Variants in PTPRD observed in about 807,000 individuals in gnomAD.
The protein encoded by PTPRD is receptor-type tyrosine-protein phosphatase delta.
Under a neutral mutation model 214.5 loss-of-function variants are expected in PTPRD, and 34 were observed. That is an observed-to-expected ratio of 0.16 (90% confidence interval 0.12 to 0.21). The LOEUF (loss-of-function observed/expected upper bound fraction) is 0.21, where lower values mean the gene tolerates loss of function less well. Ranked by LOEUF, PTPRD falls within the 10% of genes least tolerant of loss-of-function variation. The pLI is 1.00. For missense variants in PTPRD, 2,545 were observed against 2,398.7 expected (o/e 1.06, Z -1.27); for synonymous variants, 1,128 against 845.7 (o/e 1.33, Z -5.79).
chr9:8,732,882 G>C (rs538694510), intron 12 of PTPRD, among the ~76,000 whole-genome samples: 1 of 152,292 alleles, frequency 6.6e-6, no homozygotes, highest in East Asian at 1.9e-4. Flanking sequence ...AAATAGTGGA[G>C]AGAAATGTTA....
intron 30 of PTPRD, among the ~76,000 whole-genome samples, chr9:8,481,139 CAAAAAAAAAAAAAAAAA>C (rs34451513): frequency 2.5e-5 from 1 of 39,436 alleles, no homozygotes; most frequent in South Asian, 1.1e-3. Flanking sequence ...GACTCCGTCT[CAAAAAAAAAAAAAAAAA>C]AAAAAAAAAA....
At chr9:9,397,367 G>A (rs974053128) in intron 9 of PTPRD, 82 bp downstream of exon 9, 3 of 152,218 alleles carry the variant, frequency 2.0e-5, no homozygotes, top group African/African-American at 7.2e-5. Flanking sequence ...TTAACCAAAG[G>A]TTTTATAGGT....
intron 10 of PTPRD, among the ~76,000 whole-genome samples, chr9:9,060,713 T>C (rs1359470217): frequency 6.6e-6 from 1 of 152,060 alleles, no homozygotes; most frequent in African/African-American, 2.4e-5. Context: ...TCAGAGAGAC[T>C]GTTTCTCTGA....
Position 9,576,728 on chromosome 9 carries a change from A to C in PTPRD, c.-286-1947T>G, listed in dbSNP as rs1475763762. ...CTTGGATACACAAATTAGAAGTTTTAATTGTTATTACTATTTTATTACTAA... is the reference window on the plus strand; with the variant it reads ...CTTGGATACACAAATTAGAAGTTTTCATTGTTATTACTATTTTATTACTAA... On this transcript the variant is annotated intron_variant, in intron 7 of 45. Coordinates refer to ENST00000381196, the MANE Select transcript of PTPRD (RefSeq NM_002839.4). Among the ~76,000 whole-genome samples the C allele has an allele frequency of 2.0e-5, 3 of 152,204 alleles. No individual in the cohort carries two copies. In the East Asian group the frequency reaches 5.8e-4, roughly 29 times the overall value.
At chr9:9,177,403 T>G (rs2099925565) in intron 10 of PTPRD, among the ~76,000 whole-genome samples, 2 of 152,122 alleles carry the variant, frequency 1.3e-5, no homozygotes, top group South Asian at 4.1e-4. Context: ...ATCACGACCC[T>G]AATTGTTTTT....
intron 5 of PTPRD, among the ~76,000 whole-genome samples, chr9:9,828,696 G>C (rs2053816747): frequency 6.6e-6 from 1 of 151,090 alleles, no homozygotes; most frequent in Non-Finnish European, 1.5e-5. Flanking sequence ...AAAATCTAAA[G>C]GTAAGAACCT....
At chr9:8,331,525 C>A (rs1171794535) in intron 44 of PTPRD, 57 bp downstream of exon 44, 2 of 1,579,552 alleles carry the variant, frequency 1.3e-6, no homozygotes, top group Middle Eastern at 1.7e-4. Flanking sequence ...AAAGTGTATA[C>A]AGACAATGAA....
intron 2 of PTPRD, among the ~76,000 whole-genome samples, chr9:10,510,750 G>C (rs535114091): frequency 6.6e-6 from 1 of 152,006 alleles, no homozygotes. Flanking sequence ...TTAAAATTTA[G>C]AGTAAATTAT....
At chr9:10,198,285 GTA>G (rs2099405842) in intron 3 of PTPRD, among the ~76,000 whole-genome samples, 1 of 152,130 alleles carries the variant, frequency 6.6e-6, no homozygotes, top group Non-Finnish European at 1.5e-5. Flanking sequence ...AATAGGTACA[GTA>G]TGATAATTTC....
At chr9:9,031,688 A>T (rs2099605977) in intron 10 of PTPRD, among the ~76,000 whole-genome samples, 1 of 152,100 alleles carries the variant, frequency 6.6e-6, no homozygotes, top group East Asian at 1.9e-4. Context: ...TTCTTGAAGG[A>T]GACTGTAGTG....
At chr9:10,567,705 G>A (rs1181472305) in intron 2 of PTPRD, among the ~76,000 whole-genome samples, 7 of 151,426 alleles carry the variant, frequency 4.6e-5, no homozygotes, top group African/African-American at 1.7e-4. Flanking sequence ...AAAACCTTTG[G>A]TTTTTCTACT....
intron 3 of PTPRD, among the ~76,000 whole-genome samples, chr9:10,053,921 G>A (rs2097578007): frequency 6.6e-6 from 1 of 151,952 alleles, no homozygotes; most frequent in South Asian, 2.1e-4. Flanking sequence ...AACACACCCG[G>A]CTAATTTTTG....
At chr9:9,928,640 A>C (rs1056188891) in intron 5 of PTPRD, among the ~76,000 whole-genome samples, 3 of 152,100 alleles carry the variant, frequency 2.0e-5, no homozygotes, top group Non-Finnish European at 4.4e-5. Flanking sequence ...ATATTAACTA[A>C]TCTGAATATT....
chr9:8,929,767 G>GTGTATATATATA (rs2098933823), intron 11 of PTPRD, among the ~76,000 whole-genome samples: 1 of 99,540 alleles, frequency 1.0e-5, no homozygotes, highest in African/African-American at 3.9e-5. Flanking sequence ...GTATATATAT[G>GTGTATATATATA]TGTATATATA....
Position 10,481,673 on chromosome 9 carries a change from C to T in PTPRD, c.-600+130725G>A, listed in dbSNP as rs549737732. Reference sequence around the variant, plus strand: ...CATGAACTTATTGTAAATACTCAGCCCATAATCATTAAATGTTAAAAATCC... The same window carrying T: ...CATGAACTTATTGTAAATACTCAGCTCATAATCATTAAATGTTAAAAATCC... On this transcript the variant is annotated intron_variant, in intron 2 of 45. Transcript: ENST00000381196. Among the ~76,000 whole-genome samples, 24 of 152,038 alleles carry T rather than the reference C, an allele frequency of 1.6e-4. 1 individual carries two copies. Among genetic ancestry groups the T allele is most frequent in the African/African-American group, 1.9e-4 (8 of 41,382 alleles).
intron 3 of PTPRD, among the ~76,000 whole-genome samples, chr9:10,125,403 T>G (rs554883420): frequency 1.4e-5 from 2 of 147,138 alleles, no homozygotes; most frequent in South Asian, 4.2e-4. Context: ...TATTTTTTAT[T>G]TTTATTTATT....
At chr9:9,604,347 T>G (rs2094002440) in intron 7 of PTPRD, among the ~76,000 whole-genome samples, 1 of 152,104 alleles carries the variant, frequency 6.6e-6, no homozygotes, top group Admixed American at 6.6e-5. Flanking sequence ...AATATTCAAC[T>G]TAAGCAAGGG....
chr9:10,382,392 T>A (rs187633427), intron 2 of PTPRD, among the ~76,000 whole-genome samples: 4 of 152,056 alleles, frequency 2.6e-5, no homozygotes, highest in Admixed American at 6.6e-5. Context: ...GCCTCTGCAT[T>A]GTAATTGTTT....
chr9:9,843,134 A>T (rs866115459), intron 5 of PTPRD, among the ~76,000 whole-genome samples: 29 of 152,182 alleles, frequency 1.9e-4, no homozygotes, highest in African/African-American at 7.0e-4. Flanking sequence ...TTACAACAGA[A>T]ACCTTATGGC....
Sources: gnomAD v4.1 joint callset for allele counts (sites outside exome capture counted in the v4.1 genomes callset) on GRCh38, gnomAD v4.1.1 for gene constraint, MANE v1.5 for transcripts, NCBI Gene and HGNC (gene_info 2026-07-23, HGNC 2026-07-21) for gene names.